The following PCNT variants were observed in gnomAD, a reference collection of about 807,000 sequenced individuals.
PCNT encodes the protein kendrin.
Under a neutral mutation model 380.4 loss-of-function variants are expected in PCNT, and 319 were observed. That is an observed-to-expected ratio of 0.84 (90% CI 0.77 to 0.92). PCNT has a LOEUF of 0.92. Ranked by LOEUF, PCNT falls within the 40% of genes least tolerant of loss-of-function variation. The pLI, the probability that PCNT is intolerant of heterozygous loss-of-function variation, is 0.00. For synonymous variants in PCNT, 1,845 were observed against 1,735.2 expected (o/e 1.06, Z -1.57); for missense variants, 4,400 against 4,255.3 (o/e 1.03, Z -0.95).
At position 46,431,535 on chromosome 21, in the gene PCNT, C is replaced by A. The variant is rs112087468; in HGVS notation, c.8071C>A (p.Arg2691=). Residue 2691 remains arginine, a synonymous_variant, in exon 38 of 47, where the codon CGG becomes AGG. Transcript: ENST00000359568. The stretch of plus-strand genomic sequence containing the variant: ...GTATGTGTTTGCTGTCTAGGAGCTG[C>A]GGGCGTCTTTGGAGACACAGCGTGC... ...SQSAKALEEL[R]ASLETQRAQS... is the part of the protein sequence containing the mutation. The A allele has an allele frequency of 1.2e-6, 2 of 1,614,034 alleles. No homozygotes were observed. Among genetic ancestry groups the A allele is most frequent in the Non-Finnish European group, 8.5e-7 (1 of 1,179,952 alleles).
At chr21:46,337,558 G>C (rs920916591) in intron 3 of PCNT, among the ~76,000 whole-genome samples, 7 of 152,066 alleles carry the variant, frequency 4.6e-5, no homozygotes, top group African/African-American at 1.2e-4. Flanking sequence ...ACAACATCCT[G>C]GTCAATTTTT....
rs772924861 is a variant in PCNT, at chr21:46,357,035, G to A, written c.1998G>A (p.Arg666=). 1 of 1,614,242 alleles carries A rather than the reference G, an allele frequency of 6.2e-7. No individual in the cohort carries two copies. Among genetic ancestry groups the A allele is most frequent in the Non-Finnish European group, 8.5e-7 (1 of 1,180,042 alleles). Reference sequence around the variant, plus strand: ...GGGACTTGGAGGCCGACACAGAGCGGGCAGCCAGAGTCTTGGGTCTGGAAA... The same window carrying A: ...GGGACTTGGAGGCCGACACAGAGCGAGCAGCCAGAGTCTTGGGTCTGGAAA... ...QDGDLEADTE[R]AARVLGLETE... Residue 666 remains arginine (R), a synonymous_variant, in exon 13 of 47, where the codon CGG becomes CGA. Coordinates refer to ENST00000359568, the MANE Select transcript of PCNT (RefSeq NM_006031.6).
intron 29 of PCNT, among the ~76,000 whole-genome samples, chr21:46,415,272 T>C (rs2086978298): frequency 6.6e-6 from 1 of 152,028 alleles, no homozygotes; most frequent in African/African-American, 2.4e-5. Flanking sequence ...GTGCTTGTCA[T>C]GTGCTCTCGG....
intron 15 of PCNT, among the ~76,000 whole-genome samples, chr21:46,375,777 C>A (rs893828352): frequency 1.3e-5 from 2 of 152,248 alleles, no homozygotes; most frequent in African/African-American, 2.4e-5. Context: ...GGGCTGTCCC[C>A]CCGCGGGGAG....
chr21:46,348,038 T>A (rs1324801570), intron 6 of PCNT, among the ~76,000 whole-genome samples: 1 of 152,204 alleles, frequency 6.6e-6, no homozygotes, highest in African/African-American at 2.4e-5. Context: ...GAGTCAGGCA[T>A]CTGGGCAGCT....
intron 31 of PCNT, among the ~76,000 whole-genome samples, chr21:46,419,533 A>C (rs2839248): frequency 0.18 from 27,259 of 152,270 alleles, 4,533 homozygotes; most frequent in African/African-American, 0.44. Context: ...GTTTGCCCTT[A>C]AAGGACGCGC....
In PCNT at chr21:46,417,496, A is replaced by G. The variant is rs1327701417; in HGVS notation, c.6921+657A>G. 4.6e-5 allele frequency among the ~76,000 whole-genome samples: 7 copies of G among 152,144 alleles called. 1 individual carries two copies. The highest frequency in any genetic ancestry group is 4.6e-4 in the Admixed American group (7 of 15,280). On this transcript the variant is annotated intron_variant, in intron 30 of 46. Coordinates refer to ENST00000359568, the MANE Select transcript of PCNT (RefSeq NM_006031.6). Reference sequence around the variant, plus strand: ...CGTGAGCCACCATGCTCAGCCAGAAATGCTTCATATTTTTAACAGGTTTCA... The same window carrying G: ...CGTGAGCCACCATGCTCAGCCAGAAGTGCTTCATATTTTTAACAGGTTTCA...
At chr21:46,369,696 G>T (rs1391807072) in intron 15 of PCNT, among the ~76,000 whole-genome samples, 1 of 152,266 alleles carries the variant, frequency 6.6e-6, no homozygotes, top group Non-Finnish European at 1.5e-5. Flanking sequence ...GTCAGAGGAA[G>T]CATGTGGAGC....
intron 32 of PCNT, among the ~76,000 whole-genome samples, chr21:46,423,122 TA>T (rs749433189): frequency 1.3e-5 from 2 of 151,480 alleles, no homozygotes; most frequent in African/African-American, 4.8e-5. Context: ...TTCATTAAAA[TA>T]AAAAAACTTA....
chr21:46,352,672 A>G (rs974498795), intron 9 of PCNT, among the ~76,000 whole-genome samples: 3 of 152,210 alleles, frequency 2.0e-5, no homozygotes, highest in African/African-American at 7.2e-5. Context: ...CACAGTTGTC[A>G]GCTTACAGAA....
chr21:46,400,512 C>CTTTTTTTTTTTTTTTTTTTTTTT (rs1215264897), intron 25 of PCNT, among the ~76,000 whole-genome samples: 1 of 84,540 alleles, frequency 1.2e-5, no homozygotes, highest in Non-Finnish European at 2.2e-5. Flanking sequence ...GTGTCTGATT[C>CTTTTTTTTTTTTTTTTTTTTTTT]TTTTTTTTTT....
rs770185145 is a variant in PCNT, at chr21:46,363,489, A to G, written c.2164A>G (p.Asn722Asp). 30 of 1,611,984 alleles carry G rather than the reference A, an allele frequency of 1.9e-5. No homozygotes were observed. Among genetic ancestry groups the G allele is most frequent in the African/African-American group, 2.7e-5 (2 of 74,898 alleles). The change falls in exon 14 of 47, where the codon AAT (asparagine) becomes GAT (aspartate). Residue 722 changes from asparagine (N) to aspartate (D), a missense_variant. Physicochemically the swap from Asn to Asp is conservative, Grantham distance 23. Transcript: ENST00000359568. ...LKDDLEKVKH[N>D]LIEDHQKELN... The stretch of plus-strand genomic sequence containing the variant: ...ATTATGTTGTCTGTAGGTAAAACAC[A>G]ATCTAATTGAAGACCACCAGAAGGA...
intron 28 of PCNT, among the ~76,000 whole-genome samples, chr21:46,412,278 T>G (rs577753431): frequency 6.6e-6 from 1 of 152,194 alleles, no homozygotes; most frequent in Non-Finnish European, 1.5e-5. Context: ...TTTCACTGTT[T>G]TGTACCATTT....
intron 3 of PCNT, among the ~76,000 whole-genome samples, chr21:46,341,785 T>C (rs1320674692): frequency 1.3e-5 from 2 of 152,094 alleles, no homozygotes; most frequent in East Asian, 3.9e-4. Flanking sequence ...GCTCAAGCAG[T>C]CTTTCTACTC....
chr21:46,362,358 C>G (rs1208394883), intron 13 of PCNT, among the ~76,000 whole-genome samples: 2 of 152,160 alleles, frequency 1.3e-5, no homozygotes, highest in Non-Finnish European at 2.9e-5. Context: ...AAGAGAATGG[C>G]TCAGTGCTGT....
At chr21:46,441,581 C>T (rs571017702) in intron 43 of PCNT, among the ~76,000 whole-genome samples, 2 of 152,256 alleles carry the variant, frequency 1.3e-5, no homozygotes, top group Admixed American at 1.3e-4. Flanking sequence ...CAGGCGAGGC[C>T]TCCTGGGTTG....
intron 16 of PCNT, among the ~76,000 whole-genome samples, chr21:46,384,943 G>C (rs1221706730): frequency 6.6e-6 from 1 of 152,208 alleles, no homozygotes; most frequent in Non-Finnish European, 1.5e-5. Flanking sequence ...GCACATTCAC[G>C]GTGTTGTACA....
chr21:46,428,351 G>T (rs1441836804), intron 34 of PCNT, 44 bp from the exon 35 acceptor site: 1 of 1,572,430 alleles, frequency 6.4e-7, no homozygotes, highest in Non-Finnish European at 8.7e-7. Flanking sequence ...GGGGCATGGG[G>T]TGGCTGCCCA....
intron 17 of PCNT, among the ~76,000 whole-genome samples, chr21:46,387,050 C>T (rs1459671231): frequency 6.6e-6 from 1 of 152,180 alleles, no homozygotes; most frequent in African/African-American, 2.4e-5. Context: ...TTTGTGTCCC[C>T]ACTCGAGGCC....
Sources: gnomAD v4.1 joint callset for allele counts (sites outside exome capture counted in the v4.1 genomes callset) on GRCh38, gnomAD v4.1.1 for gene constraint, MANE v1.5 for transcripts, NCBI Gene and HGNC (gene_info 2026-07-23, HGNC 2026-07-21) for gene names.